The following ANO10 variants were observed in gnomAD, a reference collection of about 807,000 sequenced individuals.
ANO10 encodes anoctamin 10.
ANO10 carries 77 observed loss-of-function variants against 74.7 expected under a neutral mutation model. The ratio of observed to expected loss-of-function variants is 1.03; its 90% CI spans 0.86 to 1.25. ANO10 has a LOEUF of 1.25. ANO10 is among the 50% of genes most tolerant of loss of function. ANO10 has a pLI of 0.00. For synonymous variants in ANO10, 279 were observed against 284.9 expected (o/e 0.98, Z 0.21); for missense variants, 721 against 778.1 (o/e 0.93, Z 0.87).
At chr3:43,547,452 C>A (rs564890328) in intron 11 of ANO10, among the ~76,000 whole-genome samples, 38 of 152,260 alleles carry the variant, frequency 2.5e-4, no homozygotes, top group African/African-American at 9.1e-4. Flanking sequence ...GGGCTATGAT[C>A]CCCCTGAAAC....
At chr3:43,538,000 A>G (rs955904457) in intron 11 of ANO10, among the ~76,000 whole-genome samples, 1 of 152,226 alleles carries the variant, frequency 6.6e-6, no homozygotes, top group Non-Finnish European at 1.5e-5. Flanking sequence ...GTAACAAGAC[A>G]TAAGAACAAA....
intron 2 of ANO10, among the ~76,000 whole-genome samples, chr3:43,604,969 T>C (rs2082494649): frequency 6.6e-6 from 1 of 152,204 alleles, no homozygotes. Context: ...AGTAACAGTT[T>C]TTTTTTTAAA....
At chr3:43,560,242 C>T (rs974212089) in intron 9 of ANO10, among the ~76,000 whole-genome samples, 1 of 152,182 alleles carries the variant, frequency 6.6e-6, no homozygotes, top group Non-Finnish European at 1.5e-5. Flanking sequence ...ATCCTCATCA[C>T]CACCACAAGA....
chr3:43,571,830 T>TA, intron 7 of ANO10, among the ~76,000 whole-genome samples: 1 of 79,764 alleles, frequency 1.3e-5, no homozygotes, highest in Non-Finnish European at 2.6e-5. Context: ...AAACTTAAAG[T>TA]ATAAAAAAAA....
chr3:43,463,157 C>T (rs952997939), intron 11 of ANO10, among the ~76,000 whole-genome samples: 1 of 152,118 alleles, frequency 6.6e-6, no homozygotes. Context: ...GAAAAGAGGG[C>T]CACTGTCCCC....
intron 12 of ANO10, among the ~76,000 whole-genome samples, chr3:43,389,839 C>T (rs2092228767): frequency 6.6e-6 from 1 of 152,144 alleles, no homozygotes; most frequent in African/African-American, 2.4e-5. Flanking sequence ...CCAGTCACTC[C>T]TATGCGTGTT....
intron 11 of ANO10, among the ~76,000 whole-genome samples, chr3:43,480,183 A>C (rs2076213330): frequency 6.6e-6 from 1 of 152,230 alleles, no homozygotes; most frequent in South Asian, 2.1e-4. Context: ...AGACAGAAGA[A>C]CCCAAACAAA....
chr3:43,575,293 A>C (rs2080942740), intron 6 of ANO10, among the ~76,000 whole-genome samples: 1 of 152,204 alleles, frequency 6.6e-6, no homozygotes, highest in Non-Finnish European at 1.5e-5. Context: ...GGAAACTCAA[A>C]TTTCTATCTT....
At chr3:43,664,169 G>C (rs1210980414) in intron 1 of ANO10, among the ~76,000 whole-genome samples, 3 of 151,974 alleles carry the variant, frequency 2.0e-5, no homozygotes, top group Non-Finnish European at 4.4e-5. Context: ...CATGGTATTG[G>C]TACCAAAACA....
intron 11 of ANO10, among the ~76,000 whole-genome samples, chr3:43,436,261 C>T (rs1330015172): frequency 6.6e-6 from 1 of 152,096 alleles, no homozygotes; most frequent in Admixed American, 6.6e-5. Flanking sequence ...AAAGCATTTT[C>T]ATCATTTTTT....
upstream of ANO10, chr3:43,622,082 C>CG (rs909491612): frequency 7.1e-6 from 1 of 140,312 alleles, no homozygotes; most frequent in African/African-American, 2.6e-5. Flanking sequence ...CGCAGGGGGG[C>CG]GGGGCCGCGG....
intron 11 of ANO10, among the ~76,000 whole-genome samples, chr3:43,477,874 T>C (rs775734994): frequency 1.3e-4 from 20 of 152,128 alleles, no homozygotes; most frequent in Middle Eastern, 3.2e-3. Context: ...TCTTTGACTT[T>C]GGCAGGGGCC....
At chr3:43,521,585 C>T (rs1387052486) in intron 11 of ANO10, among the ~76,000 whole-genome samples, 2 of 152,046 alleles carry the variant, frequency 1.3e-5, no homozygotes, top group East Asian at 3.9e-4. Context: ...AAATCAAAAC[C>T]ACAAGGAGGT....
chr3:43,434,144 C>T (rs2093032065), intron 11 of ANO10, among the ~76,000 whole-genome samples: 1 of 152,114 alleles, frequency 6.6e-6, no homozygotes. Flanking sequence ...CAGCAGAACC[C>T]CAGGACAGGC....
chr3:43,426,638 G>A (rs867692354), intron 12 of ANO10, among the ~76,000 whole-genome samples: 5 of 152,128 alleles, frequency 3.3e-5, no homozygotes, highest in East Asian at 1.9e-4. Flanking sequence ...TCCAGGCCAC[G>A]GAGTTATCAA....
intron 12 of ANO10, among the ~76,000 whole-genome samples, chr3:43,396,990 C>T (rs1038280891): frequency 4.6e-5 from 7 of 151,024 alleles, no homozygotes; most frequent in East Asian, 2.0e-4. Flanking sequence ...AGTGCAAAGG[C>T]GTGATCTTGG....
chr3:43,400,204 T>C (rs1210231708), intron 12 of ANO10, among the ~76,000 whole-genome samples: 4 of 151,786 alleles, frequency 2.6e-5, no homozygotes, highest in African/African-American at 4.8e-5. Context: ...TTAAATATGG[T>C]TTTTGAAGAG....
intron 11 of ANO10, chr3:43,485,146 A>T: frequency 1.3e-6 from 1 of 791,326 alleles, no homozygotes; most frequent in Non-Finnish European, 2.2e-6. Context: ...ATCTGGATGG[A>T]GTGGGCCCTG....
At chr3:43,372,882 A>G (rs779960880) in intron 12 of ANO10, 1 of 1,532,562 alleles carries the variant, frequency 6.5e-7, no homozygotes, top group South Asian at 1.2e-5. Flanking sequence ...TAATTTAGCC[A>G]GTAACCTCAG....
Sources: allele counts gnomAD v4.1 joint callset (sites outside exome capture counted in the v4.1 genomes callset), GRCh38; gene constraint gnomAD v4.1.1; transcripts MANE v1.5; gene names NCBI Gene and HGNC (gene_info 2026-07-23, HGNC 2026-07-21).